The following DNM3 variants were observed in gnomAD, a reference collection of about 807,000 sequenced individuals.
DNM3 encodes the protein dynamin 3.
DNM3 carries 47 observed loss-of-function variants against 101.6 expected under a neutral mutation model. The observed-to-expected ratio is 0.46, with a 90% CI of 0.37 to 0.59. DNM3 has a LOEUF of 0.59. DNM3 is among the 20% of genes least tolerant of loss of function. DNM3 has a pLI of 0.00. For synonymous variants in DNM3, 385 were observed against 387.9 expected (o/e 0.99, Z 0.09); for missense variants, 849 against 1,085.7 (o/e 0.78, Z 3.06).
At chr1:172,158,680 A>G (rs1193987326) in intron 14 of DNM3, among the ~76,000 whole-genome samples, 4 of 152,086 alleles carry the variant, frequency 2.6e-5, no homozygotes, top group Non-Finnish European at 5.9e-5. Context: ...AAATCAATAT[A>G]TAAACTAACT....
chr1:172,248,835 C>A (rs2062057436), intron 14 of DNM3, among the ~76,000 whole-genome samples: 3 of 152,116 alleles, frequency 2.0e-5, no homozygotes, highest in Admixed American at 2.0e-4. Flanking sequence ...GGTTGTCAGA[C>A]ATTTTCAAAT....
chr1:172,006,116 C>G (rs1234851647), intron 4 of DNM3, among the ~76,000 whole-genome samples: 2 of 152,024 alleles, frequency 1.3e-5, no homozygotes, highest in Non-Finnish European at 2.9e-5. Context: ...CATGAGAAAG[C>G]AAGACTGGGA....
intron 9 of DNM3, 44 bp from the exon 10 acceptor site, chr1:172,048,568 T>G: frequency 1.3e-6 from 2 of 1,562,726 alleles, no homozygotes; most frequent in Non-Finnish European, 1.7e-6. Flanking sequence ...TGAATATTAC[T>G]CAATTAAAAA....
At position 171,946,541 on chromosome 1, in the gene DNM3, G is replaced by T. The variant is rs115891674; in HGVS notation, c.235+24720G>T. Among the ~76,000 whole-genome samples the T allele has an allele frequency of 5.8e-3, 888 of 152,264 alleles. 7 individuals carry two copies. The highest frequency in any genetic ancestry group is 9.5e-3 in the Non-Finnish European group (647 of 68,034). Reference sequence around the variant, plus strand: ...GCTGATTGACAGGCATTCTTTCTCTGCTTATTTGCTGTTGGCTAGAAGATA... The same window carrying T: ...GCTGATTGACAGGCATTCTTTCTCTTCTTATTTGCTGTTGGCTAGAAGATA... On this transcript the variant is annotated intron_variant, in intron 2 of 20. Transcript: ENST00000627582.
intron 14 of DNM3, among the ~76,000 whole-genome samples, chr1:172,205,302 C>T (rs750161800): frequency 7.9e-5 from 12 of 152,064 alleles, no homozygotes; most frequent in Non-Finnish European, 1.6e-4. Context: ...CTATATTTCC[C>T]TGGCATGAAC....
chr1:171,997,298 A>T (rs770127852), intron 4 of DNM3, among the ~76,000 whole-genome samples: 3 of 152,178 alleles, frequency 2.0e-5, no homozygotes, highest in Non-Finnish European at 4.4e-5. Context: ...GTAATGTGTT[A>T]TGCAATAAGC....
rs191264206 is a variant in DNM3, at chr1:171,870,403, C to T, written c.161+28586C>T. 2.0e-5 allele frequency among the ~76,000 whole-genome samples: 3 copies of T among 152,000 alleles called. No homozygotes were observed. The East Asian group carries it at 5.8e-4, about 29-fold the overall frequency. ...AGGAGTCTTTTAATCAGTTAAAAACCTCTGCAGCCTGGGCGACAGAGTAAG... is the reference window on the plus strand; with the variant it reads ...AGGAGTCTTTTAATCAGTTAAAAACTTCTGCAGCCTGGGCGACAGAGTAAG... On this transcript the variant is annotated intron_variant, in intron 1 of 20. Coordinates refer to ENST00000627582, the MANE Select transcript of DNM3 (RefSeq NM_015569.5).
intron 4 of DNM3, among the ~76,000 whole-genome samples, chr1:172,016,836 G>A (rs1041072256): frequency 6.6e-6 from 1 of 151,896 alleles, no homozygotes; most frequent in East Asian, 1.9e-4. Flanking sequence ...TGTCTTTCAA[G>A]AAATTGGTTC....
rs575718964 is a variant in DNM3 at position 171,918,607 on chromosome 1, T to G, written c.162-3141T>G. 6.6e-5 allele frequency among the ~76,000 whole-genome samples: 10 copies of G among 152,308 alleles called. No homozygotes were observed. The South Asian group carries it at 2.1e-3, about 32-fold the overall frequency. On this transcript the variant is annotated intron_variant, in intron 1 of 20. Transcript: ENST00000627582. The stretch of plus-strand genomic sequence containing the variant: ...ACTTCGAAATAGTAAAATTTGATTA[T>G]CAAAATTTTTGGCTTTTGGTGAGAA...
chr1:171,931,007 G>T (rs544102108), intron 2 of DNM3, among the ~76,000 whole-genome samples: 3 of 152,148 alleles, frequency 2.0e-5, no homozygotes, highest in African/African-American at 2.4e-5. Context: ...GCATAAGAAG[G>T]TAAGGCCAGG....
At chr1:172,102,334 T>C (rs533923555) in intron 13 of DNM3, among the ~76,000 whole-genome samples, 20 of 152,164 alleles carry the variant, frequency 1.3e-4, no homozygotes, top group Non-Finnish European at 2.9e-4. Context: ...TAAAATATAA[T>C]AATCATTATT....
At chr1:172,173,058 C>T (rs2059021007) in intron 14 of DNM3, among the ~76,000 whole-genome samples, 1 of 151,702 alleles carries the variant, frequency 6.6e-6, no homozygotes, top group Non-Finnish European at 1.5e-5. Flanking sequence ...TTTTATGAGG[C>T]TTGTATTTTA....
At chr1:171,918,061 C>T (rs1322895506) in intron 1 of DNM3, among the ~76,000 whole-genome samples, 3 of 152,078 alleles carry the variant, frequency 2.0e-5, no homozygotes, top group African/African-American at 7.2e-5. Flanking sequence ...TGATCAACAC[C>T]AAGAGGATAG....
intron 17 of DNM3, among the ~76,000 whole-genome samples, chr1:172,374,004 GTTCTGGTT>G (rs2068481653): frequency 6.6e-6 from 1 of 152,026 alleles, no homozygotes; most frequent in Non-Finnish European, 1.5e-5. Flanking sequence ...GACAGAAGAA[GTTCTGGTT>G]TTGGCAACTT....
intron 2 of DNM3, among the ~76,000 whole-genome samples, chr1:171,985,277 T>G (rs939183951): frequency 6.6e-6 from 1 of 151,978 alleles, no homozygotes; most frequent in African/African-American, 2.4e-5. Flanking sequence ...TTTTTCCTTT[T>G]AATTTTTGCT....
At chr1:172,134,939 G>A (rs2057134865) in intron 14 of DNM3, among the ~76,000 whole-genome samples, 1 of 152,106 alleles carries the variant, frequency 6.6e-6, no homozygotes, top group Admixed American at 6.6e-5. Context: ...TAAGAATGAT[G>A]AGAAGTTTTT....
intron 17 of DNM3, among the ~76,000 whole-genome samples, chr1:172,377,813 T>C (rs1233290305): frequency 6.6e-6 from 1 of 151,812 alleles, no homozygotes. Context: ...TTTAGAACAA[T>C]AGACATTTCT....
chr1:172,270,276 C>T (rs189823228), intron 15 of DNM3, among the ~76,000 whole-genome samples: 1,650 of 150,408 alleles, frequency 0.011, 48 homozygotes, highest in African/African-American at 0.038. Context: ...AAAAAAAAGC[C>T]TTTAAGCCAA....
chr1:172,221,835 T>A (rs890238781), intron 14 of DNM3, among the ~76,000 whole-genome samples: 6 of 152,214 alleles, frequency 3.9e-5, no homozygotes, highest in Non-Finnish European at 2.9e-5. Context: ...AAATACTTTC[T>A]AATATTCTAA....
Sources: allele counts gnomAD v4.1 joint callset (sites outside exome capture counted in the v4.1 genomes callset), GRCh38; gene constraint gnomAD v4.1.1; transcripts MANE v1.5; gene names NCBI Gene and HGNC (gene_info 2026-07-23, HGNC 2026-07-21).